SERPINA12: variants seen among roughly 807,000 people sequenced by gnomAD.
SERPINA12 encodes the protein serpin family A member 12, also known as serpin A12.
In SERPINA12, 21 loss-of-function variants were observed where a neutral mutation model predicts 25.9. That is an observed-to-expected ratio of 0.81 (90% CI 0.58 to 1.17). The LOEUF (loss-of-function observed/expected upper bound fraction) is 1.17, where lower values mean the gene tolerates loss of function less well. SERPINA12 is among the 50% of genes most tolerant of loss of function. The pLI, the probability that SERPINA12 is intolerant of heterozygous loss-of-function variation, is 0.00. For synonymous variants in SERPINA12, 220 were observed against 196.0 expected, an observed-to-expected ratio of 1.12 and a Z score of -1.02; for missense variants, 562 against 508.3, an observed-to-expected ratio of 1.11 and a Z score of -1.02.
At chr14:94,496,712 A>C in intron 2 of SERPINA12, 69 bp from the exon 3 acceptor site, 7 of 1,313,054 alleles carry the variant, frequency 5.3e-6, no homozygotes, top group Non-Finnish European at 7.6e-6. Context: ...CCAACTAACC[A>C]GTAGTCTCTC....
At chr14:94,500,380 T>C (rs116862882) in intron 1 of SERPINA12, among the ~76,000 whole-genome samples, 3,964 of 152,232 alleles carry the variant, frequency 0.026, 87 homozygotes, top group South Asian at 0.075. Context: ...TAATATACTC[T>C]TCTCTCAGGC....
intron 4 of SERPINA12, among the ~76,000 whole-genome samples, chr14:94,488,200 G>A (rs1362832164): frequency 6.6e-6 from 1 of 152,174 alleles, no homozygotes; most frequent in Non-Finnish European, 1.5e-5. Flanking sequence ...TCTGTGGCAG[G>A]AAAGCTCAAA....
rs187440813 is a variant in SERPINA12, at chr14:94,500,892, C to T, written c.-33-2462G>A. On this transcript the variant is annotated intron_variant, in intron 1 of 4. Coordinates refer to ENST00000677451, the MANE Select transcript of SERPINA12 (RefSeq NM_001382267.1). ...ACGGGCAGATACATATTTTTTAAAA[C>T]GCCAGGACTACTAAGTAGGCAGGAG... is the stretch of plus-strand genomic sequence containing the variant. 7.9e-5 allele frequency: 78 copies of T among 985,266 alleles called. 2 individuals carry two copies. The highest frequency in any genetic ancestry group is 7.7e-4 in the African/African-American group (44 of 57,300). 61.0% of individuals were successfully genotyped at this position (985,266 alleles called of 1,614,324 possible).
At chr14:94,509,477 T>A (rs887963905), upstream of SERPINA12, among the ~76,000 whole-genome samples, 5 of 152,068 alleles carry the variant, frequency 3.3e-5, no homozygotes, top group African/African-American at 1.2e-4. Flanking sequence ...TCCTCTAGGC[T>A]CCCAGCCCCA....
rs1417741362 is a variant in SERPINA12, at chr14:94,487,312, A to C, written c.1236T>G (p.Ile412Met). 2.5e-6 allele frequency: 4 copies of C among 1,613,242 alleles called. No homozygotes were observed. The Admixed American group carries it at 6.7e-5, about 27-fold the overall frequency. Residue 412 changes from isoleucine to methionine, a missense_variant, in exon 5 of 5, where the codon ATT (isoleucine) becomes ATG (methionine). Coordinates refer to ENST00000677451, the MANE Select transcript of SERPINA12 (RefSeq NM_001382267.1). ...VLFLGKIVNP[I>M]GK ...AAGCAGGAATTCTCCTTTATTTTCCAATAGGGTTAACAATCTTTCCCAGGA... is the reference window on the plus strand; with the variant it reads ...AAGCAGGAATTCTCCTTTATTTTCCCATAGGGTTAACAATCTTTCCCAGGA...
intron 1 of SERPINA12, among the ~76,000 whole-genome samples, chr14:94,505,090 C>T (rs1900885237): frequency 6.6e-6 from 1 of 152,166 alleles, no homozygotes; most frequent in African/African-American, 2.4e-5. Context: ...ATATTTCTTC[C>T]CCATTGAGTG....
intron 1 of SERPINA12, among the ~76,000 whole-genome samples, chr14:94,507,708 G>A (rs1595700004): frequency 6.6e-6 from 1 of 152,214 alleles, no homozygotes; most frequent in East Asian, 1.9e-4. Flanking sequence ...AGGACGTGGA[G>A]CAAGTGGAAC....
chr14:94,501,258 GAGA>G, intron 1 of SERPINA12: 2 of 666,328 alleles, frequency 3.0e-6, no homozygotes, highest in Non-Finnish European at 3.7e-6. Flanking sequence ...CCTAGGAGTG[GAGA>G]AGTTAAGACA....
At chr14:94,513,990 G>T (rs1360022415), upstream of SERPINA12, among the ~76,000 whole-genome samples, 1 of 152,088 alleles carries the variant, frequency 6.6e-6, no homozygotes, top group African/African-American at 2.4e-5. Context: ...AGGGCAGCAT[G>T]GTGCGGGCCT....
upstream of SERPINA12, among the ~76,000 whole-genome samples, chr14:94,511,970 C>T (rs1901123952): frequency 6.6e-6 from 1 of 152,112 alleles, no homozygotes; most frequent in Admixed American, 6.5e-5. Context: ...TGGTGTCTCG[C>T]ACCAGTGGTC....
chr14:94,502,564 A>C (rs549851151), intron 1 of SERPINA12, among the ~76,000 whole-genome samples: 11 of 152,318 alleles, frequency 7.2e-5, no homozygotes, highest in African/African-American at 2.6e-4. Context: ...CAGAAGGTCT[A>C]CTCAGTGCAC....
In SERPINA12 at chr14:94,489,726, G is replaced by A. The variant is rs571250364; in HGVS notation, c.947C>T (p.Thr316Ile). 4.8e-5 allele frequency: 77 copies of A among 1,614,040 alleles called. No homozygotes were observed. The highest frequency in any genetic ancestry group is 6.3e-5 in the Non-Finnish European group (74 of 1,180,028). Reference protein sequence around the residue: ...VSVPRLHMTGTFDLKKTLSYI... With the variant: ...VSVPRLHMTGIFDLKKTLSYI... Reference sequence around the variant, plus strand: ...GGAGAGAGTCTTCTTCAGGTCGAAGGTGCCCGTCATGTGGAGTCTGGGTAC... The same window carrying A: ...GGAGAGAGTCTTCTTCAGGTCGAAGATGCCCGTCATGTGGAGTCTGGGTAC... The change falls in exon 4 of 5, where the codon ACC (threonine) becomes ATC (isoleucine). Residue 316 changes from threonine (T) to isoleucine (I), a missense_variant. By Grantham distance (89) the Thr-to-Ile change is moderately conservative. Coordinates refer to ENST00000677451, the MANE Select transcript of SERPINA12 (RefSeq NM_001382267.1).
chr14:94,497,912 G>A lies in SERPINA12; in HGVS notation c.486C>T (p.Thr162=). Residue 162 remains threonine, a synonymous_variant, in exon 2 of 5, where the codon ACC becomes ACT. Coordinates refer to ENST00000677451, the MANE Select transcript of SERPINA12 (RefSeq NM_001382267.1). The stretch of plus-strand genomic sequence containing the variant: ...CCAAATTCTGAAAGTTGGTAAGGAT[G>A]GTTTCGGCACTGTAAAAGTTCTTGG... ...EDAKNFYSAE[T]ILTNFQNLEM... 2 of 1,614,192 alleles carry A rather than the reference G, an allele frequency of 1.2e-6. No individual in the cohort carries two copies. The highest frequency in any genetic ancestry group is 1.7e-6 in the Non-Finnish European group (2 of 1,180,036).
At chr14:94,497,199 C>CT (rs1415032254) in intron 2 of SERPINA12, among the ~76,000 whole-genome samples, 2 of 152,142 alleles carry the variant, frequency 1.3e-5, no homozygotes, top group East Asian at 1.9e-4. Flanking sequence ...ATTCTTCCAT[C>CT]TTTTTTTTCT....
At chr14:94,506,869 ATT>A (rs947772445) in intron 1 of SERPINA12, among the ~76,000 whole-genome samples, 1 of 152,202 alleles carries the variant, frequency 6.6e-6, no homozygotes, top group African/African-American at 2.4e-5. Flanking sequence ...CCACCTGATG[ATT>A]CCCAGGTCTT....
chr14:94,508,990 C>T (rs981380505), intron 1 of SERPINA12, among the ~76,000 whole-genome samples: 4 of 152,134 alleles, frequency 2.6e-5, no homozygotes, highest in African/African-American at 7.2e-5. Context: ...CTGCTAGACC[C>T]ATTTTTACAC....
intron 1 of SERPINA12, among the ~76,000 whole-genome samples, chr14:94,507,073 A>AAAC (rs200737035): frequency 1.4e-4 from 21 of 152,310 alleles, no homozygotes; most frequent in East Asian, 3.9e-4. Flanking sequence ...TGAATGATGA[A>AAAC]AACAACAACA....
intron 4 of SERPINA12, among the ~76,000 whole-genome samples, chr14:94,488,954 G>A (rs981263922): frequency 1.3e-5 from 2 of 152,142 alleles, no homozygotes; most frequent in East Asian, 1.9e-4. Flanking sequence ...AAAATTAGCC[G>A]GGCATGGTGG....
chr14:94,511,740 A>C (rs775074074), upstream of SERPINA12: 79 of 984,788 alleles, frequency 8.0e-5, no homozygotes, highest in Non-Finnish European at 9.4e-5. Context: ...AATGTCTATA[A>C]TGTACCAGGC....
Sources: allele counts gnomAD v4.1 joint callset (sites outside exome capture counted in the v4.1 genomes callset), GRCh38; gene constraint gnomAD v4.1.1; transcripts MANE v1.5; gene names NCBI Gene and HGNC (gene_info 2026-07-23, HGNC 2026-07-21).